ARHGAP18: variants seen among roughly 807,000 people sequenced by gnomAD.
ARHGAP18 encodes Rho GTPase activating protein 18.
A neutral mutation model predicts 86.2 loss-of-function variants in ARHGAP18; 67 were observed. That is an observed-to-expected ratio of 0.78 (90% CI 0.64 to 0.95). The LOEUF (loss-of-function observed/expected upper bound fraction) is 0.95. Ranked by LOEUF, ARHGAP18 falls within the 40% of genes least tolerant of loss-of-function variation. ARHGAP18 has a pLI of 0.00. For synonymous variants in ARHGAP18, 283 were observed against 280.4 expected (o/e 1.01, Z -0.09); for missense variants, 691 against 780.4 (o/e 0.89, Z 1.37).
intron 5 of ARHGAP18, among the ~76,000 whole-genome samples, chr6:129,624,910 A>C (rs1436285794): frequency 6.9e-6 from 1 of 145,524 alleles, no homozygotes; most frequent in Non-Finnish European, 1.5e-5. Flanking sequence ...ACACCATTGC[A>C]CTCCAGCCTG....
intron 1 of ARHGAP18, among the ~76,000 whole-genome samples, chr6:129,695,120 C>G (rs902144464): frequency 6.6e-6 from 1 of 151,762 alleles, no homozygotes; most frequent in South Asian, 2.1e-4. Context: ...ATGGTAATAA[C>G]TATTCTGAAA....
At chr6:129,595,468 T>C (rs550625640) in intron 12 of ARHGAP18, among the ~76,000 whole-genome samples, 2 of 152,312 alleles carry the variant, frequency 1.3e-5, no homozygotes, top group South Asian at 4.1e-4. Context: ...TGGAGGAATA[T>C]CTGAGTCCAG....
chr6:129,636,959 A>C (rs1280790126), intron 3 of ARHGAP18, among the ~76,000 whole-genome samples: 2 of 152,198 alleles, frequency 1.3e-5, no homozygotes, highest in African/African-American at 4.8e-5. Context: ...TATTCTCTGT[A>C]AGCTCCTGAT....
chr6:129,642,037 C>G lies in ARHGAP18; in HGVS notation c.114-19G>C. 1 of 1,609,222 alleles carries G rather than the reference C, an allele frequency of 6.2e-7. No homozygotes were observed. Among genetic ancestry groups the G allele is most frequent in the Non-Finnish European group, 8.5e-7 (1 of 1,176,724 alleles). ...TCTGCGACTGTAAATTCAAAAGAAC[C>G]CATGGTTTATTTTAGTACAAAAGGA... On this transcript the variant is annotated intron_variant, in intron 1 of 14. Transcript: ENST00000368149.
chr6:129,618,911 C>A (rs1286002608), intron 5 of ARHGAP18, 59 bp from the exon 6 acceptor site: 1 of 1,463,128 alleles, frequency 6.8e-7, no homozygotes, highest in South Asian at 1.3e-5. Flanking sequence ...CATTGTAATG[C>A]AGGAAGGAAA....
chr6:129,633,177 C>T (rs2114491240), intron 4 of ARHGAP18, among the ~76,000 whole-genome samples: 1 of 152,058 alleles, frequency 6.6e-6, no homozygotes, highest in South Asian at 2.1e-4. Flanking sequence ...CCTGTAATCC[C>T]TGCACTTTGG....
chr6:129,628,037 G>T (rs550275077), intron 5 of ARHGAP18, among the ~76,000 whole-genome samples: 1 of 152,168 alleles, frequency 6.6e-6, no homozygotes, highest in East Asian at 1.9e-4. Flanking sequence ...ATGAATGTTG[G>T]GGCTGAGTGC....
At chr6:129,683,658 G>T (rs566597625) in intron 1 of ARHGAP18, among the ~76,000 whole-genome samples, 1 of 152,300 alleles carries the variant, frequency 6.6e-6, no homozygotes, top group South Asian at 2.1e-4. Context: ...AAATGTAATG[G>T]AAAATAGAGG....
intron 13 of ARHGAP18, among the ~76,000 whole-genome samples, chr6:129,583,670 C>T (rs1788332348): frequency 6.6e-6 from 1 of 152,168 alleles, no homozygotes; most frequent in East Asian, 1.9e-4. Context: ...AACCTCCAAT[C>T]AACATATCCT....
At position 129,625,480 on chromosome 6, in the gene ARHGAP18, T is replaced by TATCA. The variant is rs370425399; in HGVS notation, c.786+3872_786+3873insTGAT. Among the ~76,000 whole-genome samples the TATCA allele has an allele frequency of 1.2e-4, 5 of 41,404 alleles. 2 individuals carry two copies. The highest frequency in any genetic ancestry group is 2.1e-4 in the Non-Finnish European group (5 of 23,972). The allele number at this position is 41,404 out of a possible 152,430, so 27.2% of individuals were successfully genotyped here. On this transcript the variant is annotated intron_variant, in intron 5 of 14. Transcript: ENST00000368149. Reference sequence around the variant, plus strand: ...TATTATATATAATATATATTTTATATTATATATTATATATAATATATATTT... The same window carrying TATCA: ...TATTATATATAATATATATTTTATATATCATATATATTATATATAATATATATTT...
At chr6:129,667,504 TG>T (rs1477552764) in intron 1 of ARHGAP18, among the ~76,000 whole-genome samples, 13 of 50,974 alleles carry the variant, frequency 2.6e-4, no homozygotes, top group Non-Finnish European at 2.7e-4. Flanking sequence ...TGTGTGTGTG[TG>T]TTGTGTATGT....
At chr6:129,611,729 T>A in intron 7 of ARHGAP18, 119 bp from the exon 8 acceptor site, 1 of 787,186 alleles carries the variant, frequency 1.3e-6, no homozygotes, top group Non-Finnish European at 2.0e-6. Context: ...CTGGATTTTA[T>A]GAGGTTTTGA....
intron 5 of ARHGAP18, among the ~76,000 whole-genome samples, chr6:129,619,691 G>A (rs1789187748): frequency 6.7e-6 from 1 of 149,696 alleles, no homozygotes; most frequent in Admixed American, 6.6e-5. Context: ...ACAAGTAGGG[G>A]GGAGAGAAAG....
At chr6:129,595,750 T>C (rs1396135461) in intron 12 of ARHGAP18, among the ~76,000 whole-genome samples, 1 of 152,150 alleles carries the variant, frequency 6.6e-6, no homozygotes. Flanking sequence ...ATGACCTGAT[T>C]TTCTCTCCAA....
chr6:129,623,361 C>A (rs535181714), intron 5 of ARHGAP18, among the ~76,000 whole-genome samples: 1 of 152,186 alleles, frequency 6.6e-6, no homozygotes, highest in South Asian at 2.1e-4. Flanking sequence ...AATTACAGAG[C>A]ATAATTTCTG....
intron 1 of ARHGAP18, among the ~76,000 whole-genome samples, chr6:129,685,052 G>T (rs1032750187): frequency 6.6e-6 from 1 of 152,102 alleles, no homozygotes; most frequent in Non-Finnish European, 1.5e-5. Context: ...TGGACACAGC[G>T]TAGTAATTAA....
At chr6:129,601,825 G>T (rs1448782105) in intron 10 of ARHGAP18, among the ~76,000 whole-genome samples, 1 of 151,228 alleles carries the variant, frequency 6.6e-6, no homozygotes, top group African/African-American at 2.4e-5. Flanking sequence ...GCAAATTCTC[G>T]CAATGTTGCC....
chr6:129,611,682 T>C, intron 7 of ARHGAP18, 72 bp from the exon 8 acceptor site: 2 of 1,305,806 alleles, frequency 1.5e-6, no homozygotes, highest in African/African-American at 1.5e-5. Context: ...AACATCTGTT[T>C]CACATATAAA....
chr6:129,606,036 GA>G lies in ARHGAP18; in HGVS notation c.1283-78del, dbSNP rs1788847199. 2.1e-6 allele frequency: 3 copies of G among 1,410,050 alleles called. No homozygotes were observed. In the Admixed American group the frequency reaches 5.3e-5, roughly 25 times the overall value. 87.3% of individuals were successfully genotyped at this position (1,410,050 alleles called of 1,614,324 possible). On this transcript the variant is annotated intron_variant, in intron 9 of 14. Transcript: ENST00000368149. ...TTTACTTTATTTTTTCACTTTTTAA[GA>G]AAAAAGTTATTTGGCATAAACATGA... is the stretch of plus-strand genomic sequence containing the variant.
Sources: allele counts gnomAD v4.1 joint callset (sites outside exome capture counted in the v4.1 genomes callset), GRCh38; gene constraint gnomAD v4.1.1; transcripts MANE v1.5; gene names NCBI Gene and HGNC (gene_info 2026-07-23, HGNC 2026-07-21).